Variants in ATF6 observed in about 807,000 individuals in gnomAD.
ATF6 encodes the protein activating transcription factor 6, also known as cyclic AMP-dependent transcription factor ATF-6 alpha.
In ATF6, 53 loss-of-function variants were observed where a neutral mutation model predicts 83.6. That is an observed-to-expected ratio of 0.63 (90% confidence interval 0.51 to 0.80). ATF6 has a LOEUF of 0.80. Among genes scored for constraint, ATF6 ranks in the 30% least tolerant of loss-of-function variants. The pLI is 0.00. For synonymous variants in ATF6, 288 were observed against 285.8 expected (o/e 1.01, Z -0.08); for missense variants, 744 against 797.9 (o/e 0.93, Z 0.81).
intron 14 of ATF6, among the ~76,000 whole-genome samples, chr1:161,878,423 C>T (rs575385479): frequency 2.5e-4 from 38 of 152,228 alleles, no homozygotes; most frequent in Admixed American, 2.1e-3. Flanking sequence ...TCAGCTTACA[C>T]ACATTATCTC....
Position 161,781,934 on chromosome 1 carries a change from A to G in ATF6, c.182A>G (p.Asp61Gly), listed in dbSNP as rs778633759. Residue 61 changes from aspartate to glycine, a missense_variant, in exon 3 of 16, where the codon GAT becomes GGT. Transcript: ENST00000367942. ...ETYENNFDNL[D>G]FDLDLMPWES... ...CAGGAAAACAATTTTGATAATCTTGATTTTGATTTGGATTTGATGCCTTGG... is the reference window on the plus strand; with the variant it reads ...CAGGAAAACAATTTTGATAATCTTGGTTTTGATTTGGATTTGATGCCTTGG... The G allele has an allele frequency of 6.2e-7, 1 of 1,610,062 alleles. No homozygotes were observed. Among genetic ancestry groups the G allele is most frequent in the Non-Finnish European group, 8.5e-7 (1 of 1,178,230 alleles).
intron 14 of ATF6, among the ~76,000 whole-genome samples, chr1:161,888,050 A>G (rs891742843): frequency 1.3e-5 from 2 of 152,236 alleles, no homozygotes; most frequent in Non-Finnish European, 2.9e-5. Context: ...TTATTTTCCT[A>G]TCAACCATCA....
intron 14 of ATF6, among the ~76,000 whole-genome samples, chr1:161,883,630 A>G (rs545487403): frequency 3.9e-4 from 60 of 152,166 alleles, no homozygotes; most frequent in Admixed American, 9.8e-4. Flanking sequence ...AAGATATAAT[A>G]AACATTATTT....
chr1:161,819,584 G>C (rs1320206636), intron 7 of ATF6, 49 bp from the exon 8 acceptor site: 1 of 1,414,138 alleles, frequency 7.1e-7, no homozygotes, highest in Non-Finnish European at 9.4e-7. Flanking sequence ...GATCTATTTT[G>C]ATCTGATTTT....
chr1:161,952,715 T>A (rs921717664), intron 15 of ATF6, among the ~76,000 whole-genome samples: 10 of 152,274 alleles, frequency 6.6e-5, no homozygotes, highest in African/African-American at 2.4e-4. Flanking sequence ...TAGGAGACAG[T>A]GAACAAGTCA....
At chr1:161,793,467 T>A (rs1684933760) in intron 6 of ATF6, among the ~76,000 whole-genome samples, 1 of 152,224 alleles carries the variant, frequency 6.6e-6, no homozygotes, top group South Asian at 2.1e-4. Flanking sequence ...GTATTAAGGG[T>A]TCATGAACTC....
At chr1:161,768,483 C>CT (rs1186523699) in intron 1 of ATF6, among the ~76,000 whole-genome samples, 1 of 152,194 alleles carries the variant, frequency 6.6e-6, no homozygotes, top group East Asian at 1.9e-4. Context: ...TGAAACACTA[C>CT]TGTCTGATAG....
intron 4 of ATF6, among the ~76,000 whole-genome samples, chr1:161,787,106 C>A (rs969873996): frequency 6.6e-6 from 1 of 152,018 alleles, no homozygotes; most frequent in Non-Finnish European, 1.5e-5. Flanking sequence ...TTTTGATGAC[C>A]CAATTTTGAT....
chr1:161,767,201 A>T (rs1163390424), intron 1 of ATF6, among the ~76,000 whole-genome samples: 1 of 152,114 alleles, frequency 6.6e-6, no homozygotes, highest in African/African-American at 2.4e-5. Flanking sequence ...TGAATTTGGG[A>T]TTGTGTAGGT....
intron 9 of ATF6, among the ~76,000 whole-genome samples, chr1:161,831,713 C>T (rs1393120150): frequency 2.0e-5 from 3 of 147,208 alleles, no homozygotes; most frequent in Non-Finnish European, 4.4e-5. Flanking sequence ...CCAAACACCA[C>T]ATGTTCTCAC....
intron 14 of ATF6, among the ~76,000 whole-genome samples, chr1:161,910,653 T>C (rs1208423926): frequency 2.0e-5 from 3 of 152,222 alleles, no homozygotes; most frequent in South Asian, 2.1e-4. Context: ...GCTTGCAAGT[T>C]TTTTGGTTTG....
Position 161,795,536 on chromosome 1 carries a change from A to G in ATF6, c.688+3209A>G, listed in dbSNP as rs1571137883. Among the ~76,000 whole-genome samples, 8 of 152,366 alleles carry G rather than the reference A, an allele frequency of 5.3e-5. 2 individuals carry two copies. Among genetic ancestry groups the G allele is most frequent in the Admixed American group, 5.2e-4 (8 of 15,306 alleles). On this transcript the variant is annotated intron_variant, in intron 6 of 15. Transcript: ENST00000367942. ...TTTCAGACAAAGTAGGCATTCAATA[A>G]ATGTTTGATACATAGTTTAAAATCT...
chr1:161,861,644 C>G (rs745645626), intron 13 of ATF6, among the ~76,000 whole-genome samples: 64 of 152,184 alleles, frequency 4.2e-4, no homozygotes, highest in Non-Finnish European at 7.5e-4. Context: ...GCTAATTCAC[C>G]TACTAAAATC....
chr1:161,825,628 A>T (rs1399270304), intron 9 of ATF6, among the ~76,000 whole-genome samples: 1 of 152,160 alleles, frequency 6.6e-6, no homozygotes, highest in Non-Finnish European at 1.5e-5. Flanking sequence ...CGCATAGGGT[A>T]AGGTATAGGG....
chr1:161,927,351 T>G (rs1281714701), intron 15 of ATF6, among the ~76,000 whole-genome samples: 5 of 152,206 alleles, frequency 3.3e-5, no homozygotes, highest in African/African-American at 1.2e-4. Flanking sequence ...AAAACATTTA[T>G]AGAGACAGGG....
At chr1:161,774,370 A>G (rs1684467410) in intron 1 of ATF6, among the ~76,000 whole-genome samples, 1 of 151,664 alleles carries the variant, frequency 6.6e-6, no homozygotes, top group Non-Finnish European at 1.5e-5. Flanking sequence ...CAATAGTAGC[A>G]GTGGAGTAAT....
intron 14 of ATF6, among the ~76,000 whole-genome samples, chr1:161,864,576 T>G (rs1686951030): frequency 6.6e-6 from 1 of 152,232 alleles, no homozygotes; most frequent in Non-Finnish European, 1.5e-5. Flanking sequence ...ACTTTGATAC[T>G]TGAAAACTAG....
intron 12 of ATF6, among the ~76,000 whole-genome samples, chr1:161,857,953 G>A (rs1187077332): frequency 6.6e-6 from 1 of 151,960 alleles, no homozygotes; most frequent in East Asian, 1.9e-4. Context: ...AAGAAGTACA[G>A]CTAGAGCCAG....
At chr1:161,846,850 A>T (rs1408697090) in intron 10 of ATF6, among the ~76,000 whole-genome samples, 1 of 151,826 alleles carries the variant, frequency 6.6e-6, no homozygotes. Context: ...ATATATACAT[A>T]TTATATATAA....
Sources: gnomAD v4.1 joint callset for allele counts (sites outside exome capture counted in the v4.1 genomes callset) on GRCh38, gnomAD v4.1.1 for gene constraint, MANE v1.5 for transcripts, NCBI Gene and HGNC (gene_info 2026-07-23, HGNC 2026-07-21) for gene names.